RNF216: variants seen among roughly 807,000 people sequenced by gnomAD.
RNF216 encodes the protein E3 ubiquitin-protein ligase RNF216.
In RNF216, 72 loss-of-function variants were observed where a neutral mutation model predicts 110.8. The observed-to-expected ratio is 0.65, with a 90% CI of 0.54 to 0.79. The LOEUF is 0.79. Among genes scored for constraint, RNF216 ranks in the 30% least tolerant of loss-of-function variants. The pLI, the probability that RNF216 is intolerant of heterozygous loss-of-function variation, is 0.00. For missense variants in RNF216, 1,342 were observed against 1,141.2 expected (o/e 1.18, Z -2.54); for synonymous variants, 495 against 407.5 (o/e 1.21, Z -2.59).
Position 5,759,983 on chromosome 7 carries a change from T to C in RNF216, c.67+1020A>G, listed in dbSNP as rs1274887228. Among the ~76,000 whole-genome samples the C allele has an allele frequency of 2.0e-5, 3 of 152,050 alleles. No homozygotes were observed. In the South Asian group the frequency reaches 6.2e-4, roughly 32 times the overall value. ...TGTAATTTACTCTCTACTAGAAAAATCATCTTTGTAAACACAAAATATTAT... is the reference window on the plus strand; with the variant it reads ...TGTAATTTACTCTCTACTAGAAAAACCATCTTTGTAAACACAAAATATTAT... On this transcript the variant is annotated intron_variant, in intron 2 of 16. Coordinates refer to ENST00000389902, the MANE Select transcript of RNF216 (RefSeq NM_207111.4).
At chr7:5,716,685 C>T in intron 10 of RNF216, 31 bp downstream of exon 10, 1 of 1,545,118 alleles carries the variant, frequency 6.5e-7, no homozygotes, top group Non-Finnish European at 8.8e-7. Context: ...ATGAAAATGC[C>T]CAGAATAAAC....
intron 13 of RNF216, among the ~76,000 whole-genome samples, chr7:5,694,226 G>T (rs1791496818): frequency 6.6e-6 from 1 of 152,202 alleles, no homozygotes; most frequent in African/African-American, 2.4e-5. Flanking sequence ...TTCTTTATTT[G>T]CTGGAACAGT....
chr7:5,729,878 A>G (rs1562438217), intron 6 of RNF216, among the ~76,000 whole-genome samples: 2 of 151,964 alleles, frequency 1.3e-5, no homozygotes, highest in African/African-American at 4.8e-5. Context: ...ACGAACAACT[A>G]TTTTTTTTCT....
intron 13 of RNF216, among the ~76,000 whole-genome samples, chr7:5,690,694 G>A (rs977765742): frequency 2.6e-5 from 4 of 152,258 alleles, no homozygotes; most frequent in South Asian, 4.1e-4. Flanking sequence ...AAAGGCAGTG[G>A]GAAGTGCCCA....
At chr7:5,665,969 T>A (rs1406370087) in intron 13 of RNF216, among the ~76,000 whole-genome samples, 1 of 151,986 alleles carries the variant, frequency 6.6e-6, no homozygotes, top group Non-Finnish European at 1.5e-5. Flanking sequence ...ATCGAGACGA[T>A]CCTGGCTAAC....
At chr7:5,640,164 C>T (rs1453815603) in intron 15 of RNF216, among the ~76,000 whole-genome samples, 1 of 151,964 alleles carries the variant, frequency 6.6e-6, no homozygotes, top group African/African-American at 2.4e-5. Flanking sequence ...TTCAAAAGTG[C>T]TGGCATCACA....
intron 4 of RNF216, among the ~76,000 whole-genome samples, chr7:5,740,087 G>A (rs1794667833): frequency 6.7e-6 from 1 of 149,236 alleles, no homozygotes; most frequent in Admixed American, 6.7e-5. Flanking sequence ...GCAAATAGTG[G>A]CTACCAGATG....
chr7:5,645,815 C>G (rs1788016817), intron 14 of RNF216, among the ~76,000 whole-genome samples: 1 of 152,144 alleles, frequency 6.6e-6, no homozygotes, highest in Non-Finnish European at 1.5e-5. Flanking sequence ...GTCTTGAACT[C>G]CTGACCTCAA....
At chr7:5,717,976 T>C (rs1793170036) in intron 9 of RNF216, among the ~76,000 whole-genome samples, 1 of 151,866 alleles carries the variant, frequency 6.6e-6, no homozygotes, top group South Asian at 2.1e-4. Context: ...AGCTACTTGG[T>C]CTGCTACTAT....
At chr7:5,656,671 C>G (rs1194712195) in intron 13 of RNF216, among the ~76,000 whole-genome samples, 1 of 152,156 alleles carries the variant, frequency 6.6e-6, no homozygotes, top group Non-Finnish European at 1.5e-5. Context: ...GCCCTTTTGT[C>G]CTCAAAATAC....
At chr7:5,628,685 C>CTT (rs11314929) in intron 15 of RNF216, among the ~76,000 whole-genome samples, 12 of 138,970 alleles carry the variant, frequency 8.6e-5, no homozygotes, top group African/African-American at 2.1e-4. Context: ...CCATATCTGA[C>CTT]TTTTTTTTTT....
chr7:5,718,133 C>A (rs1431922791), intron 9 of RNF216, among the ~76,000 whole-genome samples: 1 of 152,218 alleles, frequency 6.6e-6, no homozygotes, highest in Non-Finnish European at 1.5e-5. Context: ...ATAATCCCAG[C>A]ACTTTGGGAG....
chr7:5,634,761 G>A (rs1428913232), intron 15 of RNF216, among the ~76,000 whole-genome samples: 2 of 152,252 alleles, frequency 1.3e-5, no homozygotes, highest in Non-Finnish European at 2.9e-5. Context: ...TCACCCAGGG[G>A]CCTGGTGGGA....
intron 14 of RNF216, among the ~76,000 whole-genome samples, chr7:5,645,839 G>A (rs1433272529): frequency 4.6e-5 from 7 of 151,932 alleles, no homozygotes; most frequent in East Asian, 1.9e-4. Context: ...ATCCGCCCAC[G>A]TCAGCCTCCC....
At position 5,624,087 on chromosome 7, in the gene RNF216, C is replaced by G; in HGVS notation, c.2421G>C (p.Glu807Asp). ...DEKLIEEIQK[E>D]AEEEQKRKNG... ...TCTTTCTTTTCTGTTCCTCTTCAGC[C>G]TCCTTCTGGATTTCCTCAATAAGCT... The change falls in exon 16 of 17, where the codon GAG (glutamate) becomes GAC (aspartate). Residue 807 changes from glutamate to aspartate, a missense_variant. Transcript: ENST00000389902. The surrounding 1 kb of genome is among the most constrained non-coding windows in gnomAD (Gnocchi z 4.4). 1 of 1,613,848 alleles carries G rather than the reference C, an allele frequency of 6.2e-7. No individual in the cohort carries two copies. The highest frequency in any genetic ancestry group is 8.5e-7 in the Non-Finnish European group (1 of 1,179,978).
chr7:5,623,962 G>A, intron 16 of RNF216, 94 bp downstream of exon 16: 3 of 1,071,326 alleles, frequency 2.8e-6, no homozygotes, highest in Non-Finnish European at 2.8e-6. Context: ...CCTCTCCTGT[G>A]CTGGGTTGAG....
intron 13 of RNF216, among the ~76,000 whole-genome samples, chr7:5,676,725 G>C (rs747386567): frequency 2.0e-5 from 3 of 152,178 alleles, no homozygotes; most frequent in African/African-American, 7.2e-5. Flanking sequence ...TGGCATTTCC[G>C]GCCTAACAAC....
chr7:5,710,342 AGAGT>A (rs1269578471), intron 13 of RNF216, among the ~76,000 whole-genome samples: 1 of 151,848 alleles, frequency 6.6e-6, no homozygotes, highest in Admixed American at 6.6e-5. Context: ...CCTGGGCAAC[AGAGT>A]GAGACCCTGC....
intron 5 of RNF216, among the ~76,000 whole-genome samples, chr7:5,735,767 C>T (rs1412579238): frequency 6.6e-6 from 1 of 152,114 alleles, no homozygotes; most frequent in Admixed American, 6.5e-5. Flanking sequence ...AACGGTTTTG[C>T]CTTACTGACA....
Sources: allele counts gnomAD v4.1 joint callset (sites outside exome capture counted in the v4.1 genomes callset), GRCh38; gene constraint gnomAD v4.1.1; non-coding constraint Gnocchi (gnomAD v3.1); transcripts MANE v1.5; gene names NCBI Gene and HGNC (gene_info 2026-07-23, HGNC 2026-07-21).